The following TRAPPC9 variants were observed in gnomAD, a reference collection of about 807,000 sequenced individuals.
The protein encoded by TRAPPC9 is IKK2 binding protein.
A neutral mutation model predicts 124.0 loss-of-function variants in TRAPPC9; 83 were observed. The observed-to-expected ratio is 0.67, with a 90% CI of 0.56 to 0.80. TRAPPC9 has a LOEUF of 0.80. Ranked by LOEUF, TRAPPC9 falls within the 30% of genes least tolerant of loss-of-function variation. TRAPPC9 has a pLI of 0.00. For synonymous variants in TRAPPC9, 638 were observed against 617.5 expected, an observed-to-expected ratio of 1.03 and a Z score of -0.49; for missense variants, 1,302 against 1,508.3, an observed-to-expected ratio of 0.86 and a Z score of 2.27.
intron 19 of TRAPPC9, among the ~76,000 whole-genome samples, chr8:139,982,383 C>A (rs1217202257): frequency 1.3e-5 from 2 of 152,194 alleles, no homozygotes; most frequent in Non-Finnish European, 2.9e-5. Flanking sequence ...GGGTCTCGAC[C>A]TCTTTTACTC....
intron 7 of TRAPPC9, among the ~76,000 whole-genome samples, chr8:140,389,146 G>A (rs893958669): frequency 2.6e-5 from 4 of 151,838 alleles, no homozygotes; most frequent in South Asian, 2.1e-4. Context: ...TAGTAGAGAC[G>A]GGGTTTCTAC....
At chr8:140,051,254 T>C (rs548314196) in intron 17 of TRAPPC9, among the ~76,000 whole-genome samples, 3 of 152,214 alleles carry the variant, frequency 2.0e-5, no homozygotes, top group Admixed American at 6.5e-5. Flanking sequence ...ACCTCCTCCA[T>C]GAGCACCATG....
rs1376854798 is a variant in TRAPPC9 at position 139,825,076 on chromosome 8, G to A, written c.3055+60803C>T. On this transcript the variant is annotated intron_variant, in intron 21 of 22. Coordinates refer to ENST00000438773, the MANE Select transcript of TRAPPC9 (RefSeq NM_001160372.4). This position sits in a 1 kb window ranked among gnomAD's most constrained non-coding sequence, Gnocchi z 4.6. ...TTCCACAGAGAACACTCAGGGGTGGGGTTGCTGGAGTGGGGGTCACAGATG... is the reference window on the plus strand; with the variant it reads ...TTCCACAGAGAACACTCAGGGGTGGAGTTGCTGGAGTGGGGGTCACAGATG... Among the ~76,000 whole-genome samples, 2 of 152,254 alleles carry A rather than the reference G, an allele frequency of 1.3e-5. No individual in the cohort carries two copies. The highest frequency in any genetic ancestry group is 4.8e-5 in the African/African-American group (2 of 41,542).
chr8:139,891,889 A>G (rs535731440), intron 20 of TRAPPC9, among the ~76,000 whole-genome samples: 21 of 152,328 alleles, frequency 1.4e-4, no homozygotes, highest in African/African-American at 5.1e-4. Context: ...ATTTACAGAG[A>G]AGGAAAGAGG....
intron 19 of TRAPPC9, among the ~76,000 whole-genome samples, chr8:139,920,216 C>T (rs1007237009): frequency 9.2e-5 from 14 of 152,098 alleles, no homozygotes; most frequent in African/African-American, 2.4e-4. Flanking sequence ...CGTGGTGGCG[C>T]GCACCTGTAA....
intron 17 of TRAPPC9, among the ~76,000 whole-genome samples, chr8:140,168,460 T>C (rs2061892378): frequency 6.6e-6 from 1 of 151,958 alleles, no homozygotes; most frequent in Admixed American, 6.6e-5. Context: ...ATTCTGTCTC[T>C]ATGGATTTTC....
intron 9 of TRAPPC9, among the ~76,000 whole-genome samples, chr8:140,350,526 C>A (rs1346558468): frequency 6.6e-6 from 1 of 152,162 alleles, no homozygotes; most frequent in Non-Finnish European, 1.5e-5. Flanking sequence ...CTACTGTGTT[C>A]CAGGCCGTCC....
At chr8:140,215,537 T>C (rs1049538238) in intron 17 of TRAPPC9, among the ~76,000 whole-genome samples, 12 of 151,706 alleles carry the variant, frequency 7.9e-5, no homozygotes, top group African/African-American at 2.9e-4. Context: ...TCCCAGCTAC[T>C]TGGGAGGCTG....
At chr8:140,239,349 G>A (rs1203443860) in intron 16 of TRAPPC9, among the ~76,000 whole-genome samples, 1 of 152,182 alleles carries the variant, frequency 6.6e-6, no homozygotes, top group Non-Finnish European at 1.5e-5. Flanking sequence ...GGGGCCCTCG[G>A]GAGTTCCAGT....
chr8:140,175,655 C>T (rs773120834), intron 17 of TRAPPC9, among the ~76,000 whole-genome samples: 13 of 152,126 alleles, frequency 8.5e-5, no homozygotes, highest in East Asian at 1.9e-4. Context: ...CGAAATCTGA[C>T]GACATCCACG....
At chr8:139,976,138 G>A (rs1026534104) in intron 19 of TRAPPC9, among the ~76,000 whole-genome samples, 2 of 151,812 alleles carry the variant, frequency 1.3e-5, no homozygotes, top group Non-Finnish European at 2.9e-5. Context: ...TGATCCGCTC[G>A]CCTCAGCCTC....
intron 17 of TRAPPC9, chr8:140,095,880 G>A (rs141118362): frequency 5.6e-4 from 85 of 152,292 alleles, no homozygotes; most frequent in African/African-American, 1.9e-3. Flanking sequence ...CCTCTCCGAG[G>A]TGCAGACAAC....
intron 17 of TRAPPC9, among the ~76,000 whole-genome samples, chr8:140,124,488 C>T (rs191916654): frequency 5.6e-4 from 85 of 152,360 alleles, no homozygotes; most frequent in Middle Eastern, 6.8e-3. Flanking sequence ...TCAGCAAAGT[C>T]CCTTTGGCTA....
chr8:139,825,764 T>A lies in TRAPPC9; in HGVS notation c.3055+60115A>T, dbSNP rs1466277734. Reference sequence around the variant, plus strand: ...TGCCCGGAAGGAAAAAGGGAGGCAATTCCGAAGAGCAGACGAGCCTCCGAG... The same window carrying A: ...TGCCCGGAAGGAAAAAGGGAGGCAAATCCGAAGAGCAGACGAGCCTCCGAG... On this transcript the variant is annotated intron_variant, in intron 21 of 22. Transcript: ENST00000438773. The surrounding 1 kb of genome is among the most constrained non-coding windows in gnomAD (Gnocchi z 4.6). Among the ~76,000 whole-genome samples the A allele has an allele frequency of 6.6e-6, 1 of 151,504 alleles. No individual in the cohort carries two copies. Among genetic ancestry groups the A allele is most frequent in the Non-Finnish European group, 1.5e-5 (1 of 67,852 alleles).
chr8:139,924,317 C>A (rs1832679120), intron 19 of TRAPPC9, among the ~76,000 whole-genome samples: 1 of 152,212 alleles, frequency 6.6e-6, no homozygotes, highest in African/African-American at 2.4e-5. Context: ...AGCAGTGGTA[C>A]CTGGCAACAC....
intron 17 of TRAPPC9, among the ~76,000 whole-genome samples, chr8:140,144,924 A>G (rs1168002554): frequency 6.6e-6 from 1 of 151,916 alleles, no homozygotes; most frequent in African/African-American, 2.4e-5. Flanking sequence ...CCCAGGCAGG[A>G]ATGCAGTGGC....
chr8:139,741,788 G>A (rs181482416), intron 21 of TRAPPC9, among the ~76,000 whole-genome samples: 2 of 152,224 alleles, frequency 1.3e-5, no homozygotes, highest in African/African-American at 4.8e-5. Flanking sequence ...GAGCTCCGGC[G>A]CCTGGCTTCC....
chr8:140,393,659 G>C (rs944946947), intron 7 of TRAPPC9, among the ~76,000 whole-genome samples: 5 of 152,094 alleles, frequency 3.3e-5, no homozygotes, highest in African/African-American at 1.2e-4. Context: ...AAAGCAGAAG[G>C]AACCTGCAAT....
rs565681395 is a variant in TRAPPC9, at chr8:140,137,562, C to T, written c.2556+83897G>A. On this transcript the variant is annotated intron_variant, in intron 17 of 22. Transcript: ENST00000438773. ...ACCCCACGCTGCCCACTCACTGTGA[C>T]GGTCGGGGTCAAGCCACTGCGGCAG... 2.8e-4 allele frequency among the ~76,000 whole-genome samples: 43 copies of T among 152,344 alleles called. No individual in the cohort carries two copies. In the East Asian group the frequency reaches 7.3e-3, roughly 26 times the overall value.
Sources: allele counts gnomAD v4.1 joint callset (sites outside exome capture counted in the v4.1 genomes callset), GRCh38; gene constraint gnomAD v4.1.1; non-coding constraint Gnocchi (gnomAD v3.1); transcripts MANE v1.5; gene names NCBI Gene and HGNC (gene_info 2026-07-23, HGNC 2026-07-21).